The following GALNT13 variants were observed in gnomAD, a reference collection of about 807,000 sequenced individuals.
GALNT13 encodes the protein UDP-GalNAc:polypeptide N-acetylgalactosaminyltransferase 13.
In GALNT13, 28 loss-of-function variants were observed where a neutral mutation model predicts 64.2. The observed-to-expected ratio is 0.44, with a 90% CI of 0.32 to 0.60. GALNT13 has a LOEUF of 0.60. GALNT13 is among the 20% of genes least tolerant of loss of function. GALNT13 has a pLI of 0.05. For synonymous variants in GALNT13, 214 were observed against 224.6 expected, an observed-to-expected ratio of 0.95 and a Z score of 0.42; for missense variants, 577 against 669.8, an observed-to-expected ratio of 0.86 and a Z score of 1.53.
At chr2:153,257,659 A>T in the GALNT13 span, among the ~76,000 whole-genome samples, 1 of 152,296 alleles carries the variant, frequency 6.6e-6, no homozygotes, top group East Asian at 1.9e-4. Flanking sequence ...GGCAGCTTTT[A>T]ACAATTGAGT....
intron 7 of GALNT13, among the ~76,000 whole-genome samples, chr2:154,249,015 C>G (rs534163871): frequency 6.6e-6 from 1 of 151,916 alleles, no homozygotes; most frequent in Non-Finnish European, 1.5e-5. Flanking sequence ...ACTCATCAAG[C>G]ATATCACCCC....
At chr2:153,399,464 G>C in the GALNT13 span, among the ~76,000 whole-genome samples, 1 of 152,022 alleles carries the variant, frequency 6.6e-6, no homozygotes, top group Non-Finnish European at 1.5e-5. Flanking sequence ...TGTGAAGAAA[G>C]GCATTGGTAG....
At chr2:154,320,323 A>C (rs1265991193) in intron 9 of GALNT13, among the ~76,000 whole-genome samples, 1 of 152,176 alleles carries the variant, frequency 6.6e-6, no homozygotes, top group Admixed American at 6.6e-5. Context: ...ACCACCTCCT[A>C]AGACATTACA....
chr2:154,377,378 T>C (rs1455657480), intron 9 of GALNT13, among the ~76,000 whole-genome samples: 2 of 152,122 alleles, frequency 1.3e-5, no homozygotes, highest in African/African-American at 4.8e-5. Context: ...TGAAAATTTC[T>C]TGGCATTTAC....
the GALNT13 span, among the ~76,000 whole-genome samples, chr2:153,452,202 G>A: frequency 8.5e-5 from 13 of 152,108 alleles, no homozygotes; most frequent in African/African-American, 2.7e-4. Context: ...CAAAACATAC[G>A]GCATAAGAAT....
chr2:154,029,482 C>G (rs535712242), intron 3 of GALNT13, among the ~76,000 whole-genome samples: 9 of 152,220 alleles, frequency 5.9e-5, no homozygotes, highest in African/African-American at 1.7e-4. Flanking sequence ...GAATTTGAAG[C>G]CTGTGATGCC....
chr2:153,249,129 C>T, the GALNT13 span, among the ~76,000 whole-genome samples: 1 of 152,188 alleles, frequency 6.6e-6, no homozygotes, highest in South Asian at 2.1e-4. Context: ...ATCTAGAAAA[C>T]CCCATCATCT....
At chr2:154,037,172 T>C (rs935945336) in intron 3 of GALNT13, among the ~76,000 whole-genome samples, 3 of 152,170 alleles carry the variant, frequency 2.0e-5, no homozygotes, top group Non-Finnish European at 4.4e-5. Context: ...TAACCTGTTT[T>C]TCTTGTGGAG....
At chr2:154,413,729 A>G (rs1699890435) in intron 11 of GALNT13, among the ~76,000 whole-genome samples, 1 of 152,016 alleles carries the variant, frequency 6.6e-6, no homozygotes, top group African/African-American at 2.4e-5. Flanking sequence ...AAAACTTAAG[A>G]CACACTCACT....
the GALNT13 span, among the ~76,000 whole-genome samples, chr2:153,489,980 TACACACACACACAC>T: frequency 6.8e-6 from 1 of 147,872 alleles, no homozygotes; most frequent in Admixed American, 6.8e-5. Flanking sequence ...GGCCCTGTTT[TACACACACACACAC>T]ACACACACAC....
At chr2:153,153,150 G>T in the GALNT13 span, among the ~76,000 whole-genome samples, 1 of 152,114 alleles carries the variant, frequency 6.6e-6, no homozygotes, top group East Asian at 1.9e-4. Flanking sequence ...TTTCTCTAAT[G>T]ATCAGTGATG....
the GALNT13 span, among the ~76,000 whole-genome samples, chr2:153,663,316 C>T: frequency 6.6e-6 from 1 of 152,074 alleles, no homozygotes; most frequent in Non-Finnish European, 1.5e-5. Context: ...AGAATAATAA[C>T]TCTAATGTCA....
chr2:154,047,320 G>C (rs1699341336), intron 3 of GALNT13, among the ~76,000 whole-genome samples: 1 of 152,162 alleles, frequency 6.6e-6, no homozygotes, highest in Non-Finnish European at 1.5e-5. Context: ...TTTTCCAAAA[G>C]AGACTGATCA....
At chr2:154,238,089 T>C (rs571804937) in intron 4 of GALNT13, among the ~76,000 whole-genome samples, 3 of 152,146 alleles carry the variant, frequency 2.0e-5, no homozygotes, top group South Asian at 2.1e-4. Context: ...CCAGATCTAC[T>C]GAATCAGAAT....
At chr2:153,758,254 G>A in the GALNT13 span, among the ~76,000 whole-genome samples, 1 of 149,102 alleles carries the variant, frequency 6.7e-6, no homozygotes, top group Non-Finnish European at 1.5e-5. Context: ...TTTCTATATT[G>A]TGTTTTAGAC....
chr2:153,196,679 G>A, the GALNT13 span, among the ~76,000 whole-genome samples: 1 of 152,030 alleles, frequency 6.6e-6, no homozygotes, highest in Admixed American at 6.5e-5. Flanking sequence ...TTCTCACTGG[G>A]CACCTTTCTG....
chr2:154,162,448 A>T (rs1254620527), intron 4 of GALNT13, among the ~76,000 whole-genome samples: 1 of 152,208 alleles, frequency 6.6e-6, no homozygotes, highest in African/African-American at 2.4e-5. Flanking sequence ...TGTGGCCCAG[A>T]AAACAGGATG....
chr2:153,468,228 A>G, the GALNT13 span, among the ~76,000 whole-genome samples: 1 of 152,060 alleles, frequency 6.6e-6, no homozygotes, highest in East Asian at 1.9e-4. Flanking sequence ...ACACTGTTAC[A>G]TTTTCTTTCT....
At chr2:154,370,646 T>A (rs947075071) in intron 9 of GALNT13, among the ~76,000 whole-genome samples, 1 of 152,080 alleles carries the variant, frequency 6.6e-6, no homozygotes, top group Non-Finnish European at 1.5e-5. Flanking sequence ...TGGGGTTGGG[T>A]TGGGCTAGAT....
Sources: gnomAD v4.1 joint callset for allele counts (sites outside exome capture counted in the v4.1 genomes callset) on GRCh38, gnomAD v4.1.1 for gene constraint, MANE v1.5 for transcripts, NCBI Gene and HGNC (gene_info 2026-07-23, HGNC 2026-07-21) for gene names.